The following ROR2 variants were observed in gnomAD, a reference collection of about 807,000 sequenced individuals.
ROR2 encodes the protein ROR family WNT receptor 2, also known as tyrosine-protein kinase transmembrane receptor ROR2.
Under a neutral mutation model 74.9 loss-of-function variants are expected in ROR2, and 33 were observed. The observed-to-expected ratio is 0.44, with a 90% confidence interval of 0.33 to 0.59. ROR2 has a LOEUF of 0.59. ROR2 is among the 20% of genes least tolerant of loss of function. The pLI is 0.02. For synonymous variants in ROR2, 586 were observed against 558.7 expected, an observed-to-expected ratio of 1.05 and a Z score of -0.69; for missense variants, 1,216 against 1,313.8, an observed-to-expected ratio of 0.93 and a Z score of 1.15.
At chr9:91,799,308 G>A (rs577182114) in intron 1 of ROR2, among the ~76,000 whole-genome samples, 2 of 152,240 alleles carry the variant, frequency 1.3e-5, no homozygotes, top group Non-Finnish European at 2.9e-5. Flanking sequence ...TGGAATCCAG[G>A]GACGCTGCTC....
At chr9:91,843,563 T>C (rs544215518) in intron 1 of ROR2, among the ~76,000 whole-genome samples, 31 of 152,216 alleles carry the variant, frequency 2.0e-4, no homozygotes, top group Middle Eastern at 3.4e-3. Flanking sequence ...AAGGAGAAAA[T>C]GGACTTCTCC....
At chr9:91,778,266 C>G (rs1167070642) in intron 1 of ROR2, among the ~76,000 whole-genome samples, 1 of 152,250 alleles carries the variant, frequency 6.6e-6, no homozygotes, top group Non-Finnish European at 1.5e-5. Flanking sequence ...CGTGCTTCTG[C>G]ACCTAATGGG....
intron 1 of ROR2, among the ~76,000 whole-genome samples, chr9:91,907,744 C>T (rs1830857329): frequency 6.6e-6 from 1 of 152,160 alleles, no homozygotes; most frequent in African/African-American, 2.4e-5. Flanking sequence ...ATCAGGATAC[C>T]TCATACTTAA....
At chr9:91,778,670 C>T (rs974821021) in intron 1 of ROR2, among the ~76,000 whole-genome samples, 1 of 152,182 alleles carries the variant, frequency 6.6e-6, no homozygotes, top group East Asian at 1.9e-4. Context: ...TCTAGCCAAA[C>T]CCACACGTCC....
chr9:91,741,129 G>A (rs985743333), intron 4 of ROR2, among the ~76,000 whole-genome samples: 2 of 151,914 alleles, frequency 1.3e-5, no homozygotes, highest in Non-Finnish European at 2.9e-5. Context: ...ATGAAACTCC[G>A]TCTCTATTAA....
rs558105873 is a variant in ROR2, at chr9:91,801,325, C to T, written c.98-25507G>A. ...TGAAAAGCTTACTAAATAAAATTTGCACGCTTTTTTATTTTATTTTATTTT... is the reference window on the plus strand; with the variant it reads ...TGAAAAGCTTACTAAATAAAATTTGTACGCTTTTTTATTTTATTTTATTTT... On this transcript the variant is annotated intron_variant, in intron 1 of 8. Coordinates refer to ENST00000375708, the MANE Select transcript of ROR2 (RefSeq NM_004560.4). Among the ~76,000 whole-genome samples the T allele has an allele frequency of 5.9e-5, 9 of 152,190 alleles. No homozygotes were observed. The South Asian group carries it at 1.9e-3, about 32-fold the overall frequency.
chr9:91,852,568 G>C (rs140891769), intron 1 of ROR2, among the ~76,000 whole-genome samples: 5 of 151,326 alleles, frequency 3.3e-5, no homozygotes, highest in Non-Finnish European at 7.4e-5. Context: ...CAGGGAACTT[G>C]AGCCCATCTG....
chr9:91,808,358 GGCGAGGTGGCTGACACCT>G (rs1471686319), intron 1 of ROR2, among the ~76,000 whole-genome samples: 2 of 152,222 alleles, frequency 1.3e-5, no homozygotes, highest in East Asian at 3.8e-4. Context: ...AAATTGGCCA[GGCGAGGTGGCTGACACCT>G]GCAATCCTAG....
At chr9:91,746,871 TGTGTG>T (rs1825438654) in intron 4 of ROR2, among the ~76,000 whole-genome samples, 1 of 152,030 alleles carries the variant, frequency 6.6e-6, no homozygotes, top group African/African-American at 2.4e-5. Context: ...TGTGTGTGTG[TGTGTG>T]TGTGTGTGTG....
chr9:91,777,534 T>C (rs575846723), intron 1 of ROR2, among the ~76,000 whole-genome samples: 7 of 152,184 alleles, frequency 4.6e-5, no homozygotes, highest in Non-Finnish European at 1.0e-4. Context: ...TTTAATGGTG[T>C]GTGAGACATA....
chr9:91,737,588 G>A, intron 4 of ROR2, 70 bp from the exon 5 acceptor site: 1 of 1,608,758 alleles, frequency 6.2e-7, no homozygotes, highest in Non-Finnish European at 8.5e-7. Flanking sequence ...CTTCTTTTAT[G>A]ATCCAGCATC....
At chr9:91,829,115 A>C (rs553763686) in intron 1 of ROR2, among the ~76,000 whole-genome samples, 1 of 152,246 alleles carries the variant, frequency 6.6e-6, no homozygotes, top group African/African-American at 2.4e-5. Context: ...TTAACTAGAC[A>C]TCATGGCACT....
At chr9:91,775,603 T>A in intron 2 of ROR2, 138 bp downstream of exon 2, 2 of 771,364 alleles carry the variant, frequency 2.6e-6, no homozygotes, top group South Asian at 1.5e-5. Flanking sequence ...CAAGGTGGCA[T>A]TCCACCATAC....
At position 91,782,399 on chromosome 9, in the gene ROR2, G is replaced by GA. The variant is rs374903666; in HGVS notation, c.98-6582dup. 7.7e-3 allele frequency among the ~76,000 whole-genome samples: 1,112 copies of GA among 144,718 alleles called. 5 individuals are homozygous for GA. The highest frequency in any genetic ancestry group is 0.021 in the Middle Eastern group (6 of 284). The allele number at this position is 144,718 out of a possible 152,430, so 94.9% of individuals were successfully genotyped here. ...TAATTAAAGGGAGGGATGTAAAAAAGAAAAAAAAAACACCCTGATTAGAAA... is the reference window on the plus strand; with the variant it reads ...TAATTAAAGGGAGGGATGTAAAAAAGAAAAAAAAAAACACCCTGATTAGAAA... On this transcript the variant is annotated intron_variant, in intron 1 of 8. Transcript: ENST00000375708.
chr9:91,909,820 A>G (rs377654512), intron 1 of ROR2, among the ~76,000 whole-genome samples: 2 of 27,268 alleles, frequency 7.3e-5, no homozygotes, highest in African/African-American at 2.8e-4. Context: ...GATAATCTTT[A>G]TTCTTTTTTT....
chr9:91,774,532 C>T (rs552515552), intron 2 of ROR2, among the ~76,000 whole-genome samples: 4 of 152,230 alleles, frequency 2.6e-5, no homozygotes, highest in African/African-American at 9.6e-5. Flanking sequence ...CACCGGGATT[C>T]GGTCTAGGTC....
intron 2 of ROR2, among the ~76,000 whole-genome samples, chr9:91,766,622 G>C (rs1237123923): frequency 6.6e-6 from 1 of 152,202 alleles, no homozygotes; most frequent in Admixed American, 6.5e-5. Context: ...TTTATAGCCA[G>C]TCATTTAGCC....
At chr9:91,896,900 G>T (rs1402302690) in intron 1 of ROR2, among the ~76,000 whole-genome samples, 1 of 152,144 alleles carries the variant, frequency 6.6e-6, no homozygotes, top group Non-Finnish European at 1.5e-5. Context: ...GCTTGGCCAG[G>T]CCCCAGCAAA....
chr9:91,824,739 G>A lies in ROR2; in HGVS notation c.98-48921C>T, dbSNP rs528552776. 1.1e-4 allele frequency among the ~76,000 whole-genome samples: 17 copies of A among 152,280 alleles called. No individual in the cohort carries two copies. The South Asian group carries it at 1.7e-3, about 15-fold the overall frequency. On this transcript the variant is annotated intron_variant, in intron 1 of 8. Transcript: ENST00000375708. Reference sequence around the variant, plus strand: ...TTTCCTTGATGAGAAACAGGGCATCGGGGTGGGACACACACAGCTCTCCCA... The same window carrying A: ...TTTCCTTGATGAGAAACAGGGCATCAGGGTGGGACACACACAGCTCTCCCA...
Sources: allele counts gnomAD v4.1 joint callset (sites outside exome capture counted in the v4.1 genomes callset), GRCh38; gene constraint gnomAD v4.1.1; transcripts MANE v1.5; gene names NCBI Gene and HGNC (gene_info 2026-07-23, HGNC 2026-07-21).